Variants in ACACA observed in about 807,000 individuals in gnomAD.
ACACA encodes the protein acetyl-CoA carboxylase alpha, also known as acetyl-CoA carboxylase 1.
ACACA carries 103 observed loss-of-function variants against 296.1 expected under a neutral mutation model. The ratio of observed to expected loss-of-function variants is 0.35; its 90% CI spans 0.30 to 0.41. The LOEUF is 0.41. Ranked by LOEUF, ACACA falls within the 10% of genes least tolerant of loss-of-function variation. The probability of loss-of-function intolerance (pLI) is 1.00; values close to 1 mark genes in which losing one functional copy is unlikely to be tolerated. For missense variants in ACACA, 1,554 were observed against 2,989.7 expected (o/e 0.52, Z 11.20); for synonymous variants, 953 against 1,038.6 (o/e 0.92, Z 1.58).
intron 1 of ACACA, among the ~76,000 whole-genome samples, chr17:37,366,665 C>T (rs2049616843): frequency 6.6e-6 from 1 of 152,024 alleles, no homozygotes; most frequent in South Asian, 2.1e-4. Flanking sequence ...GACAGGGTTT[C>T]ACCATTTTGG....
chr17:37,237,533 T>C (rs762147444), intron 24 of ACACA, among the ~76,000 whole-genome samples: 1 of 152,204 alleles, frequency 6.6e-6, no homozygotes, highest in South Asian at 2.1e-4. Context: ...GCCACTCTCA[T>C]TGTGGTTTTG....
At chr17:37,338,494 TA>T (rs2048238099) in intron 2 of ACACA, among the ~76,000 whole-genome samples, 1 of 150,960 alleles carries the variant, frequency 6.6e-6, no homozygotes, top group East Asian at 2.0e-4. Context: ...CCATCTCTAC[TA>T]AAAATACAAA....
chr17:37,157,536 T>TG (rs2076300647), intron 42 of ACACA, among the ~76,000 whole-genome samples: 1 of 142,322 alleles, frequency 7.0e-6, no homozygotes, highest in Admixed American at 7.0e-5. Context: ...TCTATCTTTT[T>TG]TTTTTTTTTT....
chr17:37,131,343 G>A (rs1452064553), intron 45 of ACACA, among the ~76,000 whole-genome samples: 1 of 152,164 alleles, frequency 6.6e-6, no homozygotes, highest in Non-Finnish European at 1.5e-5. Flanking sequence ...AGGGAAGGAG[G>A]TTTTCTGACC....
At position 37,164,259 on chromosome 17, in the gene ACACA, G is replaced by A. The variant is rs199770826; in HGVS notation, c.5080-2209C>T. Reference sequence around the variant, plus strand: ...AGGGCCATTAACAGATGTAAATAGCGGCATCCCTGGAAAGCCACATGCATC... The same window carrying A: ...AGGGCCATTAACAGATGTAAATAGCAGCATCCCTGGAAAGCCACATGCATC... On this transcript the variant is annotated intron_variant, in intron 41 of 55. Coordinates refer to ENST00000616317, the MANE Select transcript of ACACA (RefSeq NM_198834.3). Among the ~76,000 whole-genome samples the A allele has an allele frequency of 3.9e-5, 6 of 152,140 alleles. No homozygotes were observed. In the East Asian group the frequency reaches 9.7e-4, roughly 25 times the overall value.
chr17:37,087,328 G>C lies in ACACA; in HGVS notation c.7140C>G (p.Ser2380=), dbSNP rs1398625668. Residue 2380 remains serine (S), a synonymous_variant, in exon 56 of 56, where the codon TCC becomes TCG. Coordinates refer to ENST00000616317, the MANE Select transcript of ACACA (RefSeq NM_198834.3). ...EVIRILSTMD[S]PST ...CAGGAAGCTCTTCCTACGTGGAAGG[G>C]GAATCCATTGTGGAGAGGATCCGTA... is the stretch of plus-strand genomic sequence containing the variant. 6.8e-6 allele frequency: 11 copies of C among 1,614,070 alleles called. No homozygotes were observed. The highest frequency in any genetic ancestry group is 9.3e-6 in the Non-Finnish European group (11 of 1,180,048).
chr17:37,285,216 G>C (rs1369999033), intron 3 of ACACA, among the ~76,000 whole-genome samples: 2 of 152,206 alleles, frequency 1.3e-5, no homozygotes, highest in Non-Finnish European at 2.9e-5. Flanking sequence ...ATCACAAAGA[G>C]ATAGGCAAAG....
chr17:37,128,990 TGTAGGGATTA>T (rs1011931511), intron 47 of ACACA, among the ~76,000 whole-genome samples: 11 of 152,196 alleles, frequency 7.2e-5, no homozygotes, highest in African/African-American at 2.7e-4. Context: ...CTCTTTTGGT[TGTAGGGATTA>T]GATGACTGAA....
chr17:37,125,884 G>A, intron 47 of ACACA, 90 bp from the exon 48 acceptor site: 1 of 1,166,120 alleles, frequency 8.6e-7, no homozygotes, highest in South Asian at 1.3e-5. Context: ...TGGTTTGGGG[G>A]ATTATTTTGG....
At chr17:37,087,869 T>G (rs2072324463) in intron 55 of ACACA, among the ~76,000 whole-genome samples, 1 of 152,150 alleles carries the variant, frequency 6.6e-6, no homozygotes, top group Non-Finnish European at 1.5e-5. Context: ...GTTGGAAAGT[T>G]ATCATTTTGC....
chr17:37,202,668 C>CATATATATATATAT (rs1179497445), intron 33 of ACACA, among the ~76,000 whole-genome samples: 2 of 71,174 alleles, frequency 2.8e-5, no homozygotes, highest in African/African-American at 5.0e-5. Context: ...CCTTTTCTTT[C>CATATATATATATAT]ATATATATAT....
intron 42 of ACACA, among the ~76,000 whole-genome samples, chr17:37,156,927 T>C (rs959596595): frequency 2.0e-5 from 3 of 152,224 alleles, no homozygotes; most frequent in Non-Finnish European, 2.9e-5. Context: ...GTGTCATTAG[T>C]ATGTCAGTCA....
At chr17:37,161,637 A>AC in intron 42 of ACACA, 144 bp downstream of exon 42, 1 of 983,636 alleles carries the variant, frequency 1.0e-6, no homozygotes, top group Non-Finnish European at 1.5e-6. Flanking sequence ...TGTCTTAAGG[A>AC]ATTTTCACAA....
intron 29 of ACACA, among the ~76,000 whole-genome samples, chr17:37,220,136 T>C (rs2079217056): frequency 6.6e-6 from 1 of 152,214 alleles, no homozygotes; most frequent in African/African-American, 2.4e-5. Flanking sequence ...TGTAACCACA[T>C]TGAACTAACC....
intron 1 of ACACA, among the ~76,000 whole-genome samples, chr17:37,369,044 C>T (rs2049707918): frequency 6.6e-6 from 1 of 152,142 alleles, no homozygotes; most frequent in Non-Finnish European, 1.5e-5. Flanking sequence ...ACACAAATGT[C>T]TCTCAACAGG....
intron 3 of ACACA, 101 bp downstream of exon 3, chr17:37,330,072 G>T: frequency 6.9e-7 from 1 of 1,457,944 alleles, no homozygotes; most frequent in Non-Finnish European, 9.5e-7. Context: ...ATAGGAAAAG[G>T]CAAAGCAGTC....
chr17:37,373,493 G>A (rs2049881432), intron 1 of ACACA, among the ~76,000 whole-genome samples: 1 of 152,032 alleles, frequency 6.6e-6, no homozygotes, highest in South Asian at 2.1e-4. Context: ...GTGTCCACCC[G>A]CCTTGGCCTC....
At chr17:37,120,456 G>C (rs145574280) in intron 50 of ACACA, among the ~76,000 whole-genome samples, 1 of 151,374 alleles carries the variant, frequency 6.6e-6, no homozygotes, top group Non-Finnish European at 1.5e-5. Context: ...CAGAGACAAG[G>C]TTTCACCATG....
chr17:37,163,204 A>AAAAAAAAAAAAAAC (rs2076535876), intron 41 of ACACA: 1 of 148,822 alleles, frequency 6.7e-6, no homozygotes, highest in Non-Finnish European at 1.5e-5. Context: ...GCTAAAAAAA[A>AAAAAAAAAAAAAAC]AAAAAAAAAA....
Sources: allele counts gnomAD v4.1 joint callset (sites outside exome capture counted in the v4.1 genomes callset), GRCh38; gene constraint gnomAD v4.1.1; transcripts MANE v1.5; gene names NCBI Gene and HGNC (gene_info 2026-07-23, HGNC 2026-07-21).